The following TCF4 variants were observed in gnomAD, a reference collection of about 807,000 sequenced individuals.
The protein encoded by TCF4 is SL3-3 enhancer factor 2.
In TCF4, 3 loss-of-function variants were observed where a neutral mutation model predicts 82.1. The observed-to-expected ratio is 0.04, with a 90% CI of 0.02 to 0.09. TCF4 has a LOEUF of 0.09. Among genes scored for constraint, TCF4 ranks in the 10% least tolerant of loss-of-function variants. The pLI, the probability that TCF4 is intolerant of heterozygous loss-of-function variation, is 1.00. For missense variants in TCF4, 518 were observed against 852.7 expected (o/e 0.61, Z 4.89); for synonymous variants, 276 against 309.6 (o/e 0.89, Z 1.14).
At chr18:55,582,769 G>C (rs1435682398) in intron 3 of TCF4, among the ~76,000 whole-genome samples, 2 of 152,002 alleles carry the variant, frequency 1.3e-5, no homozygotes, top group East Asian at 3.9e-4. Context: ...TTTTCAAATA[G>C]GAACAGTCTA....
At chr18:55,570,908 A>C (rs1183746688) in intron 3 of TCF4, among the ~76,000 whole-genome samples, 6 of 150,376 alleles carry the variant, frequency 4.0e-5, no homozygotes, top group Admixed American at 3.3e-4. Flanking sequence ...AAAAAAAAAA[A>C]GACTATAATG....
chr18:55,499,041 C>T (rs1429577925), intron 3 of TCF4, among the ~76,000 whole-genome samples: 1 of 152,178 alleles, frequency 6.6e-6, no homozygotes, highest in Non-Finnish European at 1.5e-5. Flanking sequence ...ACGATGGGTT[C>T]ATCTCAGACC....
At chr18:55,399,878 TCTCACACACA>T (rs1198111453) in intron 6 of TCF4, among the ~76,000 whole-genome samples, 30 of 77,064 alleles carry the variant, frequency 3.9e-4, no homozygotes, top group East Asian at 1.9e-3. Context: ...TCTCTCTCTC[TCTCACACACA>T]CACACACACA....
chr18:55,348,153 G>A (rs965042192), intron 8 of TCF4, among the ~76,000 whole-genome samples: 7 of 152,114 alleles, frequency 4.6e-5, no homozygotes, highest in African/African-American at 1.7e-4. Context: ...CTTGTTGTAA[G>A]TAATAAGCAA....
At chr18:55,261,281 A>G (rs1323241819) in intron 12 of TCF4, 185 bp downstream of exon 12, 2 of 697,902 alleles carry the variant, frequency 2.9e-6, no homozygotes, top group Admixed American at 2.0e-5. Context: ...TGAGAGAAAG[A>G]GACTATATAC....
At position 55,234,610 on chromosome 18, in the gene TCF4, G is replaced by A. The variant is rs2048832806; in HGVS notation, c.1424C>T (p.Pro475Leu). The A allele has an allele frequency of 1.2e-6, 2 of 1,613,992 alleles. No individual in the cohort carries two copies. Among genetic ancestry groups the A allele is most frequent in the Non-Finnish European group, 1.7e-6 (2 of 1,180,012 alleles). The change falls in exon 16 of 20, where the codon CCA (proline) becomes CTA (leucine). Residue 475 changes from proline (P) to leucine (L), a missense_variant. Physicochemically the swap from Pro to Leu is moderately conservative, Grantham distance 98. Around this residue, in one of 7 missense-constraint regions of TCF4, gnomAD observed 144 missense variants for 190.2 expected, o/e 0.76. Coordinates refer to ENST00000354452, the MANE Select transcript of TCF4 (RefSeq NM_001083962.2). The part of the protein sequence containing the change: ...HSLLPNQVPV[P>L]QLPVQSATSP... ...AGTCGCAGACTGGACAGGAAGCTGT[G>A]GAACCGGAACCTGGTTTGGCAGAAG...
intron 3 of TCF4, among the ~76,000 whole-genome samples, chr18:55,475,814 T>C (rs2096277303): frequency 1.3e-5 from 2 of 152,190 alleles, no homozygotes; most frequent in Admixed American, 1.3e-4. Context: ...TCTAGTGACA[T>C]TTCAATGGAG....
chr18:55,342,100 C>T, intron 8 of TCF4, among the ~76,000 whole-genome samples: 1 of 152,088 alleles, frequency 6.6e-6, no homozygotes, highest in East Asian at 1.9e-4. Context: ...AATGAACATG[C>T]TTTTTTCCCC....
In TCF4 at chr18:55,260,044, GA is replaced by G. The variant is rs138389096; in HGVS notation, c.991-18del. ...AGAATAGATCTTAAAACAATAAGGA[GA>G]AAAAAAAAACACCCTCATTCATTAA... On this transcript the variant is annotated intron_variant, in intron 12 of 19. Coordinates refer to ENST00000354452, the MANE Select transcript of TCF4 (RefSeq NM_001083962.2). 431 of 1,431,552 alleles carry G rather than the reference GA, an allele frequency of 3.0e-4. No homozygotes were observed. The highest frequency in any genetic ancestry group is 7.6e-4 in the Middle Eastern group (4 of 5,244). 88.7% of individuals were successfully genotyped at this position (1,431,552 alleles called of 1,614,324 possible). A position where few individuals can be genotyped will look rare whatever the true frequency, so the allele number is the denominator to read the frequency against.
At position 55,263,532 on chromosome 18, in the gene TCF4, C is replaced by T. The variant is rs564044793; in HGVS notation, c.923-1999G>A. Among the ~76,000 whole-genome samples, 10 of 152,058 alleles carry T rather than the reference C, an allele frequency of 6.6e-5. No individual in the cohort carries two copies. In the East Asian group the frequency reaches 9.7e-4, roughly 15 times the overall value. On this transcript the variant is annotated intron_variant, in intron 11 of 19. Coordinates refer to ENST00000354452, the MANE Select transcript of TCF4 (RefSeq NM_001083962.2). ...AGGAGAATCGCTTGAACCTGGGAGG[C>T]GGAGGTTGCAGTGAGCCGAGATTGA... is the stretch of plus-strand genomic sequence containing the variant.
At chr18:55,576,417 A>C (rs948490551) in intron 3 of TCF4, among the ~76,000 whole-genome samples, 2 of 152,178 alleles carry the variant, frequency 1.3e-5, no homozygotes, top group Non-Finnish European at 2.9e-5. Flanking sequence ...AGTGAAACGC[A>C]AACTCAGTCA....
At chr18:55,492,075 T>A (rs181442209) in intron 3 of TCF4, 25 of 152,292 alleles carry the variant, frequency 1.6e-4, no homozygotes, top group Non-Finnish European at 2.9e-4. Context: ...CAATAACTTC[T>A]CAGCCCTGAG....
chr18:55,270,807 C>G (rs900293217), intron 10 of TCF4, among the ~76,000 whole-genome samples: 2 of 152,086 alleles, frequency 1.3e-5, no homozygotes, highest in Admixed American at 6.6e-5. Context: ...GAATGAACAG[C>G]TCACTAAAAT....
At position 55,370,474 on chromosome 18, in the gene TCF4, T is replaced by TAGATAGAC. The variant is rs374194674; in HGVS notation, c.370-19472_370-19471insGTCTATCT. 1.7e-3 allele frequency among the ~76,000 whole-genome samples: 257 copies of TAGATAGAC among 147,606 alleles called. 2 individuals are homozygous for TAGATAGAC. Among genetic ancestry groups the TAGATAGAC allele is most frequent in the African/African-American group, 2.6e-3 (102 of 39,964 alleles). On this transcript the variant is annotated intron_variant, in intron 6 of 19. Coordinates refer to ENST00000354452, the MANE Select transcript of TCF4 (RefSeq NM_001083962.2). ...ATAGATAGATAGATAGATAGATAGA[T>TAGATAGAC]AGACAGACATATAGACAGATAGATG...
intron 5 of TCF4, among the ~76,000 whole-genome samples, chr18:55,409,171 T>C (rs1465609845): frequency 3.9e-5 from 6 of 152,144 alleles, no homozygotes; most frequent in Non-Finnish European, 2.9e-5. Context: ...AAAAATATAA[T>C]TATAATACAG....
chr18:55,333,179 C>T lies in TCF4; in HGVS notation c.549+17180G>A, dbSNP rs188152805. ...CTAACTCATTGATATCAAAGAGACACCTGGTAGCAATGCTATAGTTAAGTA... is the reference window on the plus strand; with the variant it reads ...CTAACTCATTGATATCAAAGAGACATCTGGTAGCAATGCTATAGTTAAGTA... On this transcript the variant is annotated intron_variant, in intron 8 of 19. Transcript: ENST00000354452. Among the ~76,000 whole-genome samples the T allele has an allele frequency of 7.3e-4, 111 of 152,230 alleles. 1 individual carries two copies. In the East Asian group the frequency reaches 0.02, roughly 28 times the overall value.
chr18:55,493,663 CTT>C (rs1206723168), intron 3 of TCF4, among the ~76,000 whole-genome samples: 1 of 152,082 alleles, frequency 6.6e-6, no homozygotes, highest in Non-Finnish European at 1.5e-5. Context: ...CTTGATGAAT[CTT>C]ATTAATATAT....
intron 2 of TCF4, among the ~76,000 whole-genome samples, chr18:55,608,782 G>T (rs1226646016): frequency 6.6e-6 from 1 of 152,090 alleles, no homozygotes; most frequent in East Asian, 1.9e-4. Context: ...TGAAACCAAT[G>T]AATAAATGGT....
intron 8 of TCF4, among the ~76,000 whole-genome samples, chr18:55,302,866 CTT>C (rs1406895244): frequency 6.6e-6 from 1 of 152,136 alleles, no homozygotes; most frequent in Non-Finnish European, 1.5e-5. Flanking sequence ...CTGAATGCCT[CTT>C]TTACAGAATA....
Sources: gnomAD v4.1 joint callset for allele counts (sites outside exome capture counted in the v4.1 genomes callset) on GRCh38, gnomAD v4.1.1 for gene constraint, gnomAD v4.1.1 regional missense constraint, MANE v1.5 for transcripts, NCBI Gene and HGNC (gene_info 2026-07-23, HGNC 2026-07-21) for gene names.